Variants in SLC10A6 observed in about 807,000 individuals in gnomAD.
SLC10A6 encodes solute carrier family 10 member 6.
A neutral mutation model predicts 30.0 loss-of-function variants in SLC10A6; 27 were observed. The observed-to-expected ratio is 0.90, with a 90% CI of 0.66 to 1.24. SLC10A6 has a LOEUF of 1.24. Among genes scored for constraint, SLC10A6 ranks in the 50% most tolerant of loss-of-function variants. The pLI is 0.00. For missense variants in SLC10A6, 439 were observed against 457.0 expected (o/e 0.96, Z 0.36); for synonymous variants, 166 against 173.8 (o/e 0.95, Z 0.36).
chr4:86,840,422 A>C (rs1407454258), intron 1 of SLC10A6, among the ~76,000 whole-genome samples: 2 of 152,194 alleles, frequency 1.3e-5, no homozygotes, highest in East Asian at 3.8e-4. Context: ...ACTTGCCATA[A>C]TTAACATTTA....
At chr4:86,825,611 CTAGCAA>C in intron 4 of SLC10A6, 34 bp from the exon 5 acceptor site, 1 of 1,554,570 alleles carries the variant, frequency 6.4e-7, no homozygotes, top group Non-Finnish European at 8.8e-7. Flanking sequence ...GAGTAACGCA[CTAGCAA>C]TAAGAACTAT....
chr4:86,831,908 GTTTT>G, intron 2 of SLC10A6, 28 bp from the exon 3 acceptor site: 5 of 1,577,948 alleles, frequency 3.2e-6, no homozygotes, highest in Non-Finnish European at 3.5e-6. Flanking sequence ...CCATGAGAGG[GTTTT>G]CCCTCTCACC....
intron 1 of SLC10A6, among the ~76,000 whole-genome samples, chr4:86,839,456 A>G (rs1746254281): frequency 6.6e-6 from 1 of 152,146 alleles, no homozygotes; most frequent in African/African-American, 2.4e-5. Context: ...GTCTCTAAAA[A>G]TAAAAAAAGG....
At chr4:86,839,611 T>G (rs1746256730) in intron 1 of SLC10A6, among the ~76,000 whole-genome samples, 1 of 152,228 alleles carries the variant, frequency 6.6e-6, no homozygotes, top group Admixed American at 6.5e-5. Flanking sequence ...CCATAATTTC[T>G]TCAATCACTT....
chr4:86,827,159 G>A (rs1296927642), intron 4 of SLC10A6, among the ~76,000 whole-genome samples: 2 of 152,194 alleles, frequency 1.3e-5, no homozygotes, highest in Admixed American at 6.5e-5. Flanking sequence ...AGATGGGATT[G>A]TGGACTACAT....
intron 1 of SLC10A6, among the ~76,000 whole-genome samples, chr4:86,840,435 T>C (rs919944412): frequency 6.6e-6 from 1 of 152,212 alleles, no homozygotes; most frequent in African/African-American, 2.4e-5. Context: ...AACATTTATA[T>C]AGTCAGAGCT....
intron 1 of SLC10A6, among the ~76,000 whole-genome samples, chr4:86,842,707 A>G (rs1302592450): frequency 1.9e-4 from 17 of 87,652 alleles, no homozygotes; most frequent in African/African-American, 6.3e-4. Flanking sequence ...CAAAAAAAAA[A>G]AAAAGAAAAG....
Position 86,828,107 on chromosome 4 carries a change from G to T in SLC10A6, c.647C>A (p.Ala216Glu), listed in dbSNP as rs373402918. 2.1e-5 allele frequency: 34 copies of T among 1,613,770 alleles called. 1 individual carries two copies. In the South Asian group the frequency reaches 3.6e-4, roughly 17 times the overall value. Residue 216 changes from alanine (A) to glutamate (E), a missense_variant, in exon 4 of 6, where the codon GCG becomes GAG. Coordinates refer to ENST00000273905, the MANE Select transcript of SLC10A6 (RefSeq NM_197965.3). ...GATGTCTGAATTCCAAGATCCTTTC[G>T]CCAGGACCACACCAGCAACTGCGAC... ...LVVAVAGVVL[A>E]KGSWNSDITL...
At position 86,831,775 on chromosome 4, in the gene SLC10A6, G is replaced by A; in HGVS notation, c.585+17C>T. ...TGAGTCTGAGGACGTGCCAACAGTG[G>A]CCATGAAGTCACTCACCTTGAGAAT... is the stretch of plus-strand genomic sequence containing the variant. On this transcript the variant is annotated intron_variant, in intron 3 of 5. Coordinates refer to ENST00000273905, the MANE Select transcript of SLC10A6 (RefSeq NM_197965.3). The A allele has an allele frequency of 6.2e-7, 1 of 1,603,218 alleles. No individual in the cohort carries two copies. Among genetic ancestry groups the A allele is most frequent in the Non-Finnish European group, 8.5e-7 (1 of 1,171,946 alleles).
chr4:86,824,720 C>A (rs145014941), intron 5 of SLC10A6, among the ~76,000 whole-genome samples: 1 of 152,134 alleles, frequency 6.6e-6, no homozygotes, highest in East Asian at 1.9e-4. Flanking sequence ...TCAACCTTCG[C>A]CCCCTCCCTC....
intron 1 of SLC10A6, among the ~76,000 whole-genome samples, chr4:86,844,346 C>T (rs1746358217): frequency 6.6e-6 from 1 of 152,152 alleles, no homozygotes; most frequent in Non-Finnish European, 1.5e-5. Context: ...ATGTTCTACC[C>T]TCAAAGGTAG....
At chr4:86,841,822 A>G (rs186699812) in intron 1 of SLC10A6, among the ~76,000 whole-genome samples, 10 of 152,330 alleles carry the variant, frequency 6.6e-5, no homozygotes, top group Middle Eastern at 3.4e-3. Flanking sequence ...ATAAAAAATT[A>G]TCCAGCTAAC....
intron 1 of SLC10A6, among the ~76,000 whole-genome samples, chr4:86,842,016 TC>T (rs1231877968): frequency 2.0e-5 from 3 of 152,236 alleles, no homozygotes; most frequent in African/African-American, 7.2e-5. Flanking sequence ...ATACATTTTC[TC>T]TTTTCATCTA....
chr4:86,829,644 C>A (rs1389761087), intron 3 of SLC10A6, among the ~76,000 whole-genome samples: 1 of 151,676 alleles, frequency 6.6e-6, no homozygotes, highest in African/African-American at 2.4e-5. Context: ...AAATGGGGAA[C>A]ACTTAAGTTT....
Position 86,833,349 on chromosome 4 carries a change from G to T in SLC10A6, c.453C>A (p.Ser151=), listed in dbSNP as rs201856427. 6.2e-7 allele frequency: 1 copy of T among 1,614,092 alleles called. No individual in the cohort carries two copies. The highest frequency in any genetic ancestry group is 2.2e-5 in the East Asian group (1 of 44,872). ...TGGTGAGATTCTGCTGAAGACTCCAGGACCAGGTGTAGAGATAAATGCAGA... is the reference window on the plus strand; with the variant it reads ...TGGTGAGATTCTGCTGAAGACTCCATGACCAGGTGTAGAGATAAATGCAGA... ...MPLCIYLYTW[S]WSLQQNLTIP... The change falls in exon 2 of 6, where the codon TCC becomes TCA. Residue 151 remains serine (S), a synonymous_variant. Coordinates refer to ENST00000273905, the MANE Select transcript of SLC10A6 (RefSeq NM_197965.3).
chr4:86,830,679 T>C (rs1746062990), intron 3 of SLC10A6, among the ~76,000 whole-genome samples: 1 of 152,180 alleles, frequency 6.6e-6, no homozygotes, highest in African/African-American at 2.4e-5. Context: ...AGCACAGGCA[T>C]ATAGAGTGGC....
chr4:86,847,187 C>T (rs1746406622), intron 1 of SLC10A6, among the ~76,000 whole-genome samples: 1 of 152,126 alleles, frequency 6.6e-6, no homozygotes. Flanking sequence ...GCTACTTAAC[C>T]AATCTGAATC....
At chr4:86,828,329 G>A (rs80144996) in intron 3 of SLC10A6, among the ~76,000 whole-genome samples, 161 bp from the exon 4 acceptor site, 4 of 152,132 alleles carry the variant, frequency 2.6e-5, no homozygotes, top group Admixed American at 6.6e-5. Flanking sequence ...GGAGAAATCT[G>A]AGTTCCAAAG....
chr4:86,831,693 C>A, intron 3 of SLC10A6, 99 bp downstream of exon 3: 1 of 924,958 alleles, frequency 1.1e-6, no homozygotes, highest in South Asian at 1.4e-5. Context: ...GGGTGTGGGG[C>A]CGTACTCAAC....
Sources: gnomAD v4.1 joint callset for allele counts (sites outside exome capture counted in the v4.1 genomes callset) on GRCh38, gnomAD v4.1.1 for gene constraint, MANE v1.5 for transcripts, NCBI Gene and HGNC (gene_info 2026-07-23, HGNC 2026-07-21) for gene names.